LOXHD1: variants seen among roughly 807,000 people sequenced by gnomAD.
LOXHD1 encodes lipoxygenase homology domain-containing protein 1.
Under a neutral mutation model 248.2 loss-of-function variants are expected in LOXHD1, and 205 were observed. The ratio of observed to expected loss-of-function variants is 0.83; its 90% CI spans 0.74 to 0.93. LOXHD1 has a LOEUF of 0.93. LOXHD1 is among the 40% of genes least tolerant of loss of function. The pLI, the probability that LOXHD1 is intolerant of heterozygous loss-of-function variation, is 0.00. For synonymous variants in LOXHD1, 1,113 were observed against 1,162.8 expected (o/e 0.96, Z 0.87); for missense variants, 2,930 against 2,971.6 (o/e 0.99, Z 0.33).
intron 5 of LOXHD1, among the ~76,000 whole-genome samples, chr18:46,615,036 A>G (rs1427349058): frequency 6.6e-6 from 1 of 152,186 alleles, no homozygotes; most frequent in African/African-American, 2.4e-5. Flanking sequence ...TGTTCTTAAG[A>G]GAATCTTTTT....
At chr18:46,547,845 G>A (rs1017671574) in intron 21 of LOXHD1, among the ~76,000 whole-genome samples, 5 of 152,132 alleles carry the variant, frequency 3.3e-5, no homozygotes, top group East Asian at 1.9e-4. Context: ...AATGCATAAC[G>A]TTTTAAGTGT....
intron 40 of LOXHD1, among the ~76,000 whole-genome samples, chr18:46,482,800 C>A (rs1202693661): frequency 6.6e-6 from 1 of 152,186 alleles, no homozygotes; most frequent in Non-Finnish European, 1.5e-5. Flanking sequence ...GCAGGGCCAG[C>A]CCCAGGGAGA....
chr18:46,642,035 T>C lies in LOXHD1; in HGVS notation c.247A>G (p.Ser83Gly). The change falls in exon 3 of 41, where the codon AGC becomes GGC. Residue 83 changes from serine to glycine, a missense_variant and splice_region_variant. Transcript: ENST00000642948. ...TTGCCCTTCTCAAAGGCAGACTTGCTCCTGCAATGAACACGTGCAGTTAGT... is the reference window on the plus strand; with the variant it reads ...TTGCCCTTCTCAAAGGCAGACTTGCCCCTGCAATGAACACGTGCAGTTAGT... The part of the protein sequence containing the change: ...LSPKLQLTSK[S>G]KSAFEKGNVD... 6.4e-7 allele frequency: 1 copy of C among 1,552,200 alleles called. No homozygotes were observed. The highest frequency in any genetic ancestry group is 1.2e-5 in the South Asian group (1 of 84,064).
intron 12 of LOXHD1, 148 bp downstream of exon 12, chr18:46,591,785 G>C (rs182818291): frequency 2.1e-6 from 2 of 957,718 alleles, no homozygotes; most frequent in African/African-American, 3.3e-5. Flanking sequence ...AGCCAGTCTT[G>C]AGGCAGGGAC....
intron 20 of LOXHD1, 140 bp downstream of exon 20, chr18:46,559,308 G>T (rs2037457983): frequency 1.9e-6 from 3 of 1,545,194 alleles, no homozygotes; most frequent in East Asian, 2.5e-5. Flanking sequence ...TACTGAAGAG[G>T]TACTGCCATG....
rs747842788 is a variant in LOXHD1 at position 46,579,688 on chromosome 18, G to C, written c.1751C>G (p.Thr584Arg). Residue 584 changes from threonine (T) to arginine (R), a missense_variant, in exon 13 of 41, where the codon ACG becomes AGG. By Grantham distance (71) the Thr-to-Arg change is moderately conservative. Transcript: ENST00000642948. Reference protein sequence around the residue: ...YLCLFGDVGDTGERLLYNCRN... With the variant: ...YLCLFGDVGDRGERLLYNCRN... Reference sequence around the variant, plus strand: ...GCAGTTGTAGAGCAGCCGTTCCCCCGTGTCCCCCACATCACCAAAAAGGCA... The same window carrying C: ...GCAGTTGTAGAGCAGCCGTTCCCCCCTGTCCCCCACATCACCAAAAAGGCA... 22 of 1,551,592 alleles carry C rather than the reference G, an allele frequency of 1.4e-5. No individual in the cohort carries two copies. The highest frequency in any genetic ancestry group is 1.9e-5 in the Non-Finnish European group (22 of 1,147,010).
At chr18:46,598,802 A>C (rs747754077) in intron 8 of LOXHD1, among the ~76,000 whole-genome samples, 3 of 152,202 alleles carry the variant, frequency 2.0e-5, no homozygotes, top group Non-Finnish European at 4.4e-5. Context: ...ATTAAAGAAG[A>C]CATAAATTTT....
chr18:46,538,464 A>G (rs1008566646), intron 25 of LOXHD1, 127 bp from the exon 26 acceptor site: 4 of 947,196 alleles, frequency 4.2e-6, no homozygotes. Context: ...TGCCCGGGGA[A>G]CTGCTGCTCA....
intron 32 of LOXHD1, among the ~76,000 whole-genome samples, chr18:46,521,800 T>C (rs1598908015): frequency 6.6e-6 from 1 of 152,150 alleles, no homozygotes; most frequent in East Asian, 1.9e-4. Context: ...TCCTGACCCA[T>C]GAAACTGTGA....
intron 4 of LOXHD1, among the ~76,000 whole-genome samples, chr18:46,638,157 A>G (rs1383632845): frequency 6.6e-6 from 1 of 152,190 alleles, no homozygotes; most frequent in Non-Finnish European, 1.5e-5. Context: ...CAGCCCATTC[A>G]TTTAAACTAT....
intron 14 of LOXHD1, among the ~76,000 whole-genome samples, chr18:46,576,778 C>A (rs1457002095): frequency 1.3e-5 from 2 of 152,166 alleles, no homozygotes; most frequent in Admixed American, 1.3e-4. Context: ...AACTACTGGG[C>A]CTGGGTTGGT....
Position 46,541,776 on chromosome 18 carries a change from A to G in LOXHD1, c.3913T>C (p.Phe1305Leu), listed in dbSNP as rs933229702. The change falls in exon 25 of 41, where the codon TTT (phenylalanine) becomes CTT (leucine). Residue 1305 changes from phenylalanine (F) to leucine (L), a missense_variant and splice_region_variant. By Grantham distance (22) the Phe-to-Leu change is conservative (BLOSUM62 0). Transcript: ENST00000642948. ...AELQTRLYTP[F>L]VPYEITLYTS... ...TGGCCTTGCCGTGTGTGGTTCCTAC[A>G]TGGTGTGTACAGCCTCGTCTGAAGC... 1 of 1,551,650 alleles carries G rather than the reference A, an allele frequency of 6.4e-7. No homozygotes were observed. The highest frequency in any genetic ancestry group is 8.7e-7 in the Non-Finnish European group (1 of 1,146,968).
chr18:46,647,163 G>A (rs924095508), intron 2 of LOXHD1, among the ~76,000 whole-genome samples: 3 of 152,320 alleles, frequency 2.0e-5, no homozygotes, highest in African/African-American at 4.8e-5. Flanking sequence ...CCTCAGGGCT[G>A]CCCAGGAGAA....
At chr18:46,629,738 T>C (rs1651557603) in intron 4 of LOXHD1, among the ~76,000 whole-genome samples, 2 of 150,638 alleles carry the variant, frequency 1.3e-5, no homozygotes, top group African/African-American at 2.5e-5. Context: ...TTTCTACCCA[T>C]TCCCAAGTGC....
At chr18:46,498,486 A>G (rs2034016699) in intron 37 of LOXHD1, among the ~76,000 whole-genome samples, 1 of 152,212 alleles carries the variant, frequency 6.6e-6, no homozygotes, top group African/African-American at 2.4e-5. Context: ...TCTGGAGCCC[A>G]GAAGTCTGCA....
chr18:46,494,942 C>T (rs2143720479), intron 37 of LOXHD1, among the ~76,000 whole-genome samples: 1 of 150,810 alleles, frequency 6.6e-6, no homozygotes, highest in South Asian at 2.1e-4. Flanking sequence ...CAAGCTCCGC[C>T]TCCCGGGTTC....
chr18:46,500,139 G>A (rs1419130538), intron 37 of LOXHD1, among the ~76,000 whole-genome samples: 2 of 151,832 alleles, frequency 1.3e-5, no homozygotes, highest in South Asian at 2.1e-4. Flanking sequence ...CACCTCAAAT[G>A]TTGAAATTCT....
chr18:46,497,555 G>T (rs1446940239), intron 37 of LOXHD1, among the ~76,000 whole-genome samples: 1 of 152,108 alleles, frequency 6.6e-6, no homozygotes, highest in Admixed American at 6.5e-5. Flanking sequence ...AACCACTAAG[G>T]CACAAGGAAC....
Position 46,577,834 on chromosome 18 carries a change from G to T in LOXHD1, c.1843C>A (p.Arg615=), listed in dbSNP as rs112463030. 1,555 of 1,551,590 alleles carry T rather than the reference G, an allele frequency of 1.0e-3. 16 individuals are homozygous for T. In the African/African-American group the frequency reaches 0.018, roughly 18 times the overall value. The change falls in exon 14 of 41, where the codon CGG becomes AGG. Residue 615 remains arginine, a synonymous_variant. Transcript: ENST00000642948. ...DEFTIESVTM[R]NVRRVRIRHD... is the part of the protein sequence containing the mutation. ...CTGATCCTCACCCGCCTCACATTCCGCATGGTGACAGACTCGATAGTGAAC... is the reference window on the plus strand; with the variant it reads ...CTGATCCTCACCCGCCTCACATTCCTCATGGTGACAGACTCGATAGTGAAC...
Sources: gnomAD v4.1 joint callset for allele counts (sites outside exome capture counted in the v4.1 genomes callset) on GRCh38, gnomAD v4.1.1 for gene constraint, MANE v1.5 for transcripts, NCBI Gene and HGNC (gene_info 2026-07-23, HGNC 2026-07-21) for gene names.